Variants in USP44 observed in about 807,000 individuals in gnomAD.
The protein encoded by USP44 is ubiquitin carboxyl-terminal hydrolase 44.
Under a neutral mutation model 69.0 loss-of-function variants are expected in USP44, and 61 were observed. The ratio of observed to expected loss-of-function variants is 0.88; its 90% CI spans 0.72 to 1.09. The LOEUF (loss-of-function observed/expected upper bound fraction) is 1.09, where lower values mean the gene tolerates loss of function less well. Ranked by LOEUF, USP44 falls within the 50% of genes least tolerant of loss-of-function variation. The pLI is 0.00. For synonymous variants in USP44, 297 were observed against 295.4 expected (o/e 1.01, Z -0.06); for missense variants, 753 against 849.9 (o/e 0.89, Z 1.42).
intron 5 of USP44, among the ~76,000 whole-genome samples, chr12:95,519,865 C>T (rs1234729198): frequency 6.6e-6 from 1 of 151,218 alleles, no homozygotes; most frequent in Non-Finnish European, 1.5e-5. Flanking sequence ...CATGGTGAAA[C>T]CCCGTCTCTA....
At chr12:95,549,110 C>T (rs1024464818) in intron 1 of USP44, among the ~76,000 whole-genome samples, 8 of 152,222 alleles carry the variant, frequency 5.3e-5, no homozygotes, top group Non-Finnish European at 1.2e-4. Context: ...GCCTGTGAGC[C>T]GCAGAATCAT....
Position 95,533,864 on chromosome 12 carries a change from G to A in USP44, c.393C>T (p.Phe131=). The change falls in exon 2 of 6, where the codon TTC becomes TTT. Residue 131 remains phenylalanine, a synonymous_variant. Coordinates refer to ENST00000258499, the MANE Select transcript of USP44 (RefSeq NM_032147.5). ...RSMGTGDDSY[F]LHDGAQSLLQ... ...GCAGAGATTGGGCACCGTCATGTAAGAAATAAGAATCATCACCTGTACCCA... is the reference window on the plus strand; with the variant it reads ...GCAGAGATTGGGCACCGTCATGTAAAAAATAAGAATCATCACCTGTACCCA... 6.2e-7 allele frequency: 1 copy of A among 1,614,104 alleles called. No individual in the cohort carries two copies. Among genetic ancestry groups the A allele is most frequent in the Non-Finnish European group, 8.5e-7 (1 of 1,180,014 alleles).
intron 3 of USP44, among the ~76,000 whole-genome samples, chr12:95,526,763 G>C (rs1398676227): frequency 6.6e-6 from 1 of 151,986 alleles, no homozygotes; most frequent in Non-Finnish European, 1.5e-5. Context: ...ATCTATTTGC[G>C]AGATAGGGAA....
intron 1 of USP44, among the ~76,000 whole-genome samples, chr12:95,550,186 A>G (rs1039087844): frequency 2.0e-5 from 1 of 50,752 alleles, no homozygotes; most frequent in Non-Finnish European, 4.2e-5. Flanking sequence ...CGTCTCAGAA[A>G]AAAAAAAAAA....
At chr12:95,534,677 C>CT (rs71082032) in intron 1 of USP44, among the ~76,000 whole-genome samples, 16,419 of 142,150 alleles carry the variant, frequency 0.12, 1,168 homozygotes, top group African/African-American at 0.2. Flanking sequence ...ACTGCATTCC[C>CT]TTTTTTTTTT....
At chr12:95,544,302 G>A (rs545926489) in intron 1 of USP44, among the ~76,000 whole-genome samples, 81 of 151,786 alleles carry the variant, frequency 5.3e-4, no homozygotes, top group Non-Finnish European at 9.9e-4. Flanking sequence ...TGATCCACCC[G>A]CCTCGACCTC....
chr12:95,534,182 CTGAGGGT>C lies in USP44; in HGVS notation c.68_74del (p.Asn23ArgfsTer48). 2 of 1,614,150 alleles carry C rather than the reference CTGAGGGT, an allele frequency of 1.2e-6. No individual in the cohort carries two copies. Among genetic ancestry groups the C allele is most frequent in the Non-Finnish European group, 1.7e-6 (2 of 1,180,030 alleles). Reference sequence around the variant, plus strand: ...TGTTGCAGTCCACACAGTGCCATTTCTGAGGGTTGAGGCTGGAATGGTCTTGAGCAAG... The same window carrying C: ...TGTTGCAGTCCACACAGTGCCATTTCTGAGGCTGGAATGGTCTTGAGCAAG... On this transcript the variant is annotated frameshift_variant, in exon 2 of 6. Transcript: ENST00000258499. LOFTEE classifies it high-confidence loss of function.
Position 95,517,624 on chromosome 12 carries a change from A to AATT in USP44, c.*527_*529dup, listed in dbSNP as rs1482643454. 2.0e-5 allele frequency: 3 copies of AATT among 152,364 alleles called. No homozygotes were observed. Among genetic ancestry groups the AATT allele is most frequent in the African/African-American group, 7.2e-5 (3 of 41,460 alleles). The allele number at this position is 152,364 out of a possible 1,614,324, so 9.4% of individuals were successfully genotyped here. On this transcript the variant is annotated 3_prime_UTR_variant, in exon 6 of 6. Coordinates refer to ENST00000258499, the MANE Select transcript of USP44 (RefSeq NM_032147.5). The stretch of plus-strand genomic sequence containing the variant: ...GGGTTACATTAACCAAAATAATGTC[A>AATT]ATTACAAGGCCTGTTAACACACAAA...
chr12:95,524,411 C>T (rs979124599), intron 4 of USP44: 1 of 196,270 alleles, frequency 5.1e-6, no homozygotes, highest in Non-Finnish European at 1.0e-5. Flanking sequence ...GTGGGTGGAT[C>T]GCTTGAGCCC....
intron 1 of USP44, among the ~76,000 whole-genome samples, chr12:95,538,973 C>A (rs1260236605): frequency 6.6e-6 from 1 of 152,220 alleles, no homozygotes; most frequent in African/African-American, 2.4e-5. Context: ...GCAGTATATT[C>A]ATTTTAAAGA....
At chr12:95,550,751 A>G (rs1346223005) in intron 1 of USP44, among the ~76,000 whole-genome samples, 3 of 152,164 alleles carry the variant, frequency 2.0e-5, no homozygotes, top group Admixed American at 6.6e-5. Flanking sequence ...TTTAAGGACT[A>G]AAATGATGTG....
chr12:95,532,077 A>C (rs2140285964), intron 2 of USP44, among the ~76,000 whole-genome samples: 1 of 151,780 alleles, frequency 6.6e-6, no homozygotes, highest in East Asian at 1.9e-4. Context: ...CTCTCAGACC[A>C]TGACCCTTTG....
At chr12:95,526,718 T>C (rs1005763024) in intron 3 of USP44, among the ~76,000 whole-genome samples, 1 of 152,192 alleles carries the variant, frequency 6.6e-6, no homozygotes, top group Non-Finnish European at 1.5e-5. Flanking sequence ...CTATTTTTTG[T>C]TTACCTTAAA....
At chr12:95,549,789 G>A (rs2077689666) in intron 1 of USP44, among the ~76,000 whole-genome samples, 1 of 152,130 alleles carries the variant, frequency 6.6e-6, no homozygotes, top group Non-Finnish European at 1.5e-5. Flanking sequence ...ATAAAGAAAT[G>A]AGTGCACAAA....
intron 5 of USP44, among the ~76,000 whole-genome samples, chr12:95,520,509 TGGG>T (rs987688503): frequency 6.6e-6 from 1 of 151,588 alleles, no homozygotes; most frequent in Non-Finnish European, 1.5e-5. Flanking sequence ...AAAAAGGTGT[TGGG>T]GGGAGTAAAA....
At position 95,548,774 on chromosome 12, in the gene USP44, C is replaced by G. The variant is rs139776310; in HGVS notation, c.-71+2498G>C. Reference sequence around the variant, plus strand: ...GCGCGCCCTCGCGCACACTCACCAGCCCGAGCCGGGGCGGCCATCTTAGCG... The same window carrying G: ...GCGCGCCCTCGCGCACACTCACCAGGCCGAGCCGGGGCGGCCATCTTAGCG... On this transcript the variant is annotated intron_variant, in intron 1 of 5. Coordinates refer to ENST00000258499, the MANE Select transcript of USP44 (RefSeq NM_032147.5). The surrounding 1 kb of genome is among the most constrained non-coding windows in gnomAD (Gnocchi z 4.1). The G allele has an allele frequency of 0.15, 22,628 of 152,002 alleles. 1,992 individuals are homozygous for G. Among genetic ancestry groups the G allele is most frequent in the South Asian group, 0.27 (1,297 of 4,814 alleles). 9.4% of individuals were successfully genotyped at this position (152,002 alleles called of 1,614,324 possible).
chr12:95,538,230 G>A (rs771604996), intron 1 of USP44, among the ~76,000 whole-genome samples: 1 of 152,118 alleles, frequency 6.6e-6, no homozygotes, highest in Admixed American at 6.5e-5. Context: ...TAAATTACGT[G>A]CTACATACCT....
At position 95,522,877 on chromosome 12, in the gene USP44, G is replaced by T. The variant is rs186714716; in HGVS notation, c.1734-1675C>A. 2.0e-5 allele frequency among the ~76,000 whole-genome samples: 3 copies of T among 152,026 alleles called. No individual in the cohort carries two copies. In the East Asian group the frequency reaches 5.8e-4, roughly 29 times the overall value. ...AGCTTCAGGATGTGGGCAAGTCACA[G>T]GAAAGACCCGGGAATGACTAGAGGA... On this transcript the variant is annotated intron_variant, in intron 4 of 5. Coordinates refer to ENST00000258499, the MANE Select transcript of USP44 (RefSeq NM_032147.5).
intron 1 of USP44, among the ~76,000 whole-genome samples, chr12:95,537,927 C>T (rs2077260011): frequency 6.6e-6 from 1 of 152,196 alleles, no homozygotes. Context: ...CCTTTCTCTA[C>T]TCTGCAAATA....
Sources: gnomAD v4.1 joint callset for allele counts (sites outside exome capture counted in the v4.1 genomes callset) on GRCh38, gnomAD v4.1.1 for gene constraint, Gnocchi (gnomAD v3.1) non-coding constraint, MANE v1.5 for transcripts, NCBI Gene and HGNC (gene_info 2026-07-23, HGNC 2026-07-21) for gene names.